GAREM1: variants seen among roughly 807,000 people sequenced by gnomAD.
The protein encoded by GAREM1 is GRB2 associated regulator of MAPK1 subtype 1.
Under a neutral mutation model 71.3 loss-of-function variants are expected in GAREM1, and 26 were observed. The ratio of observed to expected loss-of-function variants is 0.36; its 90% confidence interval spans 0.27 to 0.51. The LOEUF is 0.51. Ranked by LOEUF, GAREM1 falls within the 20% of genes least tolerant of loss-of-function variation. The probability of loss-of-function intolerance (pLI) is 0.95; values close to 1 mark genes in which losing one functional copy is unlikely to be tolerated. For synonymous variants in GAREM1, 440 were observed against 433.2 expected (o/e 1.02, Z -0.20); for missense variants, 1,026 against 1,103.1 (o/e 0.93, Z 0.99).
chr18:32,466,951 T>C lies in GAREM1; in HGVS notation c.121+3357A>G, dbSNP rs569664269. 7.8e-4 allele frequency among the ~76,000 whole-genome samples: 119 copies of C among 152,298 alleles called. 2 individuals are homozygous for C. In the South Asian group the frequency reaches 0.021, roughly 27 times the overall value. On this transcript the variant is annotated intron_variant, in intron 1 of 5. Transcript: ENST00000269209. ...GCTCAATTATTTTGTATTTATCTTATCATACAAAGGCAAATTTCACCATCA... is the reference window on the plus strand; with the variant it reads ...GCTCAATTATTTTGTATTTATCTTACCATACAAAGGCAAATTTCACCATCA...
intron 3 of GAREM1, among the ~76,000 whole-genome samples, chr18:32,307,664 G>C (rs977169501): frequency 1.3e-5 from 2 of 152,056 alleles, no homozygotes; most frequent in African/African-American, 4.8e-5. Context: ...GCTGGGATTA[G>C]AGGTGTGTGC....
chr18:32,375,791 G>A (rs939170206), intron 2 of GAREM1, among the ~76,000 whole-genome samples: 2 of 150,826 alleles, frequency 1.3e-5, no homozygotes, highest in South Asian at 2.1e-4. Flanking sequence ...GAATATAATC[G>A]ATTTGCTCAA....
intron 4 of GAREM1, among the ~76,000 whole-genome samples, chr18:32,278,383 A>AATC (rs2041570490): frequency 6.6e-6 from 1 of 152,210 alleles, no homozygotes; most frequent in South Asian, 2.1e-4. Context: ...AATTGTGGAC[A>AATC]ATCAATAAGG....
chr18:32,463,468 A>G (rs562854171), intron 1 of GAREM1, among the ~76,000 whole-genome samples: 1 of 152,054 alleles, frequency 6.6e-6, no homozygotes, highest in South Asian at 2.1e-4. Flanking sequence ...TTTTTTTCTC[A>G]TCATTTTTAG....
chr18:32,416,891 C>T (rs1042681663), intron 1 of GAREM1, among the ~76,000 whole-genome samples: 5 of 152,062 alleles, frequency 3.3e-5, no homozygotes, highest in African/African-American at 9.7e-5. Flanking sequence ...AGTAAGAAGG[C>T]TTTTTGCACA....
intron 1 of GAREM1, among the ~76,000 whole-genome samples, chr18:32,446,369 C>G (rs1002795407): frequency 6.6e-6 from 1 of 152,060 alleles, no homozygotes; most frequent in Non-Finnish European, 1.5e-5. Context: ...TTAATCATCA[C>G]AACAAGACAA....
chr18:32,266,094 C>T lies in GAREM1; in HGVS notation c.*1777G>A, dbSNP rs1480396353. On this transcript the variant is annotated 3_prime_UTR_variant, in exon 6 of 6. Coordinates refer to ENST00000269209, the MANE Select transcript of GAREM1 (RefSeq NM_001242409.2). ...GTACTCTTTTTGCCTATAGTATTTA[C>T]ATTTTGGGAGACACGTTAGGAGAAA... 2 of 151,502 alleles carry T rather than the reference C, an allele frequency of 1.3e-5. No individual in the cohort carries two copies. The highest frequency in any genetic ancestry group is 2.9e-5 in the Non-Finnish European group (2 of 67,928). The allele number at this position is 151,502 out of a possible 1,614,324, so 9.4% of individuals were successfully genotyped here. A position where few individuals can be genotyped will look rare whatever the true frequency, so the allele number is the denominator to read the frequency against.
intron 1 of GAREM1, among the ~76,000 whole-genome samples, chr18:32,456,848 T>C (rs190474142): frequency 1.3e-5 from 2 of 152,236 alleles, no homozygotes; most frequent in East Asian, 3.9e-4. Flanking sequence ...CGGAATATTA[T>C]GCAGTTGTTA....
chr18:32,412,732 C>G, intron 1 of GAREM1: 1 of 1,425,260 alleles, frequency 7.0e-7, no homozygotes, highest in South Asian at 1.1e-5. Context: ...GTTACAAAGG[C>G]AAAGCCCCTT....
At chr18:32,303,501 T>A (rs938967932) in intron 3 of GAREM1, among the ~76,000 whole-genome samples, 11 of 152,198 alleles carry the variant, frequency 7.2e-5, no homozygotes, top group Non-Finnish European at 4.4e-5. Flanking sequence ...AATTCGTAGT[T>A]ATTAGTGTAG....
At chr18:32,426,092 C>G (rs1046734323) in intron 1 of GAREM1, among the ~76,000 whole-genome samples, 14 of 152,150 alleles carry the variant, frequency 9.2e-5, no homozygotes, top group Non-Finnish European at 1.9e-4. Flanking sequence ...GATCTCAGCT[C>G]ACTGCAACCT....
chr18:32,327,931 C>T (rs144091240), intron 2 of GAREM1, among the ~76,000 whole-genome samples: 44 of 152,130 alleles, frequency 2.9e-4, no homozygotes, highest in African/African-American at 9.6e-4. Flanking sequence ...CATATAGGTA[C>T]AATGCTCAAC....
intron 2 of GAREM1, among the ~76,000 whole-genome samples, chr18:32,345,716 G>A (rs2047689017): frequency 6.6e-6 from 1 of 152,222 alleles, no homozygotes; most frequent in Admixed American, 6.5e-5. Context: ...CTAAGCTGAT[G>A]AAAGCGACAT....
chr18:32,439,854 A>T (rs1195258112), intron 1 of GAREM1, among the ~76,000 whole-genome samples: 1 of 152,104 alleles, frequency 6.6e-6, no homozygotes, highest in Non-Finnish European at 1.5e-5. Flanking sequence ...CACACAAACA[A>T]ATGACCTTTA....
intron 2 of GAREM1, among the ~76,000 whole-genome samples, chr18:32,345,977 A>G (rs183322441): frequency 6.6e-6 from 1 of 152,242 alleles, no homozygotes; most frequent in Non-Finnish European, 1.5e-5. Context: ...AAGAATAAAA[A>G]GACGAGCTAA....
chr18:32,290,279 G>A (rs2047068068), intron 3 of GAREM1: 1 of 151,886 alleles, frequency 6.6e-6, no homozygotes, highest in South Asian at 2.1e-4. Context: ...GATAACAAAA[G>A]CCCTGACTTG....
intron 2 of GAREM1, among the ~76,000 whole-genome samples, chr18:32,350,314 C>G (rs913165543): frequency 6.6e-6 from 1 of 152,142 alleles, no homozygotes; most frequent in African/African-American, 2.4e-5. Flanking sequence ...TAAATCACCT[C>G]TAACAGTTCA....
At chr18:32,424,311 T>C (rs1490015684) in intron 1 of GAREM1, among the ~76,000 whole-genome samples, 2 of 152,222 alleles carry the variant, frequency 1.3e-5, no homozygotes, top group African/African-American at 4.8e-5. Flanking sequence ...ATCTCACAGA[T>C]CTTTTTTATA....
chr18:32,275,941 C>T (rs59106127), intron 4 of GAREM1, among the ~76,000 whole-genome samples: 2,169 of 152,292 alleles, frequency 0.014, 57 homozygotes, highest in African/African-American at 0.049. Context: ...TCCCAAAGTG[C>T]TGGGATTACA....
Sources: gnomAD v4.1 joint callset for allele counts (sites outside exome capture counted in the v4.1 genomes callset) on GRCh38, gnomAD v4.1.1 for gene constraint, MANE v1.5 for transcripts, NCBI Gene and HGNC (gene_info 2026-07-23, HGNC 2026-07-21) for gene names.